The following ESS2 variants were observed in gnomAD, a reference collection of about 807,000 sequenced individuals.
ESS2 encodes ess-2 spliceosome associated protein, also known as splicing factor ESS-2 homolog.
Under a neutral mutation model 52.0 loss-of-function variants are expected in ESS2, and 31 were observed. The ratio of observed to expected loss-of-function variants is 0.60; its 90% CI spans 0.45 to 0.81. The LOEUF is 0.81. Among genes scored for constraint, ESS2 ranks in the 30% least tolerant of loss-of-function variants. The pLI, the probability that ESS2 is intolerant of heterozygous loss-of-function variation, is 0.00. For missense variants in ESS2, 602 were observed against 637.2 expected, an observed-to-expected ratio of 0.94 and a Z score of 0.59; for synonymous variants, 285 against 259.2, an observed-to-expected ratio of 1.10 and a Z score of -0.95.
At chr22:19,139,399 G>C (rs1485778857) in intron 5 of ESS2, 107 bp from the exon 6 acceptor site, 2 of 1,470,766 alleles carry the variant, frequency 1.4e-6, no homozygotes, top group African/African-American at 2.8e-5. Context: ...CAAAAGCATT[G>C]AGCAGAACGC....
In ESS2 at chr22:19,134,208, C is replaced by T. The variant is rs929282; in HGVS notation, c.1419G>A (p.Ser473=). 0.011 allele frequency: 16,807 copies of T among 1,513,948 alleles called. 654 individuals carry two copies. Among genetic ancestry groups the T allele is most frequent in the Admixed American group, 0.077 (3,553 of 46,234 alleles). 93.8% of individuals were successfully genotyped at this position (1,513,948 alleles called of 1,614,324 possible). Residue 473 remains serine, a synonymous_variant, in exon 10 of 10, where the codon TCG becomes TCA. Transcript: ENST00000252137. ...CCCAGGCCTGGCTCTAAAAGAAGTC[C>T]GAAGCTTTGCGCCGGGCAGGGAGCT... ...LLQLPARRKA[S]DFF
intron 8 of ESS2, 70 bp from the exon 9 acceptor site, chr22:19,135,245 A>G: frequency 1.5e-6 from 2 of 1,307,596 alleles, no homozygotes; most frequent in Non-Finnish European, 2.2e-6. Flanking sequence ...TCACACAGAA[A>G]GCCACTGTGG....
intron 1 of ESS2, 22 bp downstream of exon 1, chr22:19,144,484 G>A (rs199812933): frequency 3.6e-5 from 58 of 1,611,104 alleles, no homozygotes; most frequent in South Asian, 2.1e-4. Context: ...AGAAGTCGCC[G>A]GCGTCCGCAC....
chr22:19,132,324 C>G lies in ESS2; in HGVS notation c.*1872G>C. The G allele has an allele frequency of 6.2e-7, 1 of 1,612,898 alleles. No homozygotes were observed. Among genetic ancestry groups the G allele is most frequent in the East Asian group, 2.2e-5 (1 of 44,860 alleles). On this transcript the variant is annotated 3_prime_UTR_variant, in exon 10 of 10. Coordinates refer to ENST00000252137, the MANE Select transcript of ESS2 (RefSeq NM_022719.3). This position sits in a 1 kb window ranked among gnomAD's most constrained non-coding sequence, Gnocchi z 4.2. The stretch of plus-strand genomic sequence containing the variant: ...CACCAAGACAGGCTTGAGGCCCGAC[C>G]ACCGGCCCGACCACAAGCTTGGAGC...
intron 8 of ESS2, among the ~76,000 whole-genome samples, chr22:19,136,300 AATATTC>A (rs2083581228): frequency 6.8e-5 from 1 of 14,804 alleles, no homozygotes. Context: ...AATCAAACTA[AATATTC>A]GCCACTATTT....
chr22:19,139,579 C>T (rs371196170), intron 5 of ESS2, 33 bp downstream of exon 5: 33 of 1,585,634 alleles, frequency 2.1e-5, no homozygotes, highest in Non-Finnish European at 2.7e-5. Flanking sequence ...CTACCCAACA[C>T]CTCCCCATTT....
rs2083500199 is a variant in ESS2, at chr22:19,130,945, A to G, written c.*3251T>C. On this transcript the variant is annotated 3_prime_UTR_variant, in exon 10 of 10. Coordinates refer to ENST00000252137, the MANE Select transcript of ESS2 (RefSeq NM_022719.3). ...GGGGTGCTTTTCTTCATAGCCAAAGAAGCTGCAGGAAACCCACCCTAGTGG... is the reference window on the plus strand; with the variant it reads ...GGGGTGCTTTTCTTCATAGCCAAAGGAGCTGCAGGAAACCCACCCTAGTGG... The G allele has an allele frequency of 5.3e-6, 1 of 189,282 alleles. No individual in the cohort carries two copies. The highest frequency in any genetic ancestry group is 2.4e-5 in the African/African-American group (1 of 42,140). 11.7% of individuals were successfully genotyped at this position (189,282 alleles called of 1,614,324 possible).
chr22:19,144,366 T>C, intron 1 of ESS2, 140 bp downstream of exon 1: 2 of 1,506,750 alleles, frequency 1.3e-6, no homozygotes, highest in East Asian at 2.4e-5. Flanking sequence ...CCCTGTTTAC[T>C]TGACTCGTGG....
rs368030731 is a variant in ESS2, at chr22:19,131,181, C to G, written c.*3015G>C. The G allele has an allele frequency of 1.4e-4, 77 of 538,970 alleles. No individual in the cohort carries two copies. Among genetic ancestry groups the G allele is most frequent in the African/African-American group, 4.9e-4 (26 of 52,930 alleles). 33.4% of individuals were successfully genotyped at this position (538,970 alleles called of 1,614,324 possible). A position where few individuals can be genotyped will look rare whatever the true frequency, so the allele number is the denominator to read the frequency against. ...GCCTGGCTTCCACGGTTCCAGAGAC[C>G]CTGTTCTCCCTCAGCCCAGTCCCCG... On this transcript the variant is annotated 3_prime_UTR_variant, in exon 10 of 10. Coordinates refer to ENST00000252137, the MANE Select transcript of ESS2 (RefSeq NM_022719.3). The surrounding 1 kb of genome is among the most constrained non-coding windows in gnomAD (Gnocchi z 5.7).
chr22:19,140,635 C>T (rs2083670287), intron 3 of ESS2, among the ~76,000 whole-genome samples: 1 of 152,198 alleles, frequency 6.6e-6, no homozygotes, highest in East Asian at 1.9e-4. Flanking sequence ...GAAAGTGGTA[C>T]TCCCACTGAG....
intron 8 of ESS2, 116 bp downstream of exon 8, chr22:19,137,207 C>G: frequency 1.4e-6 from 1 of 738,998 alleles, no homozygotes; most frequent in Admixed American, 2.7e-5. Context: ...AAAGCCAGCA[C>G]TCTGCCCGTC....
Position 19,130,462 on chromosome 22 carries a change from A to T in ESS2, c.*3734T>A. On this transcript the variant is annotated 3_prime_UTR_variant, in exon 10 of 10. Coordinates refer to ENST00000252137, the MANE Select transcript of ESS2 (RefSeq NM_022719.3). ...CTAATTTTGTTCCAAGGAGAAGGTC[A>T]GAGGCAAAAAAAATGCTTGCTAAGT... 1 of 293,246 alleles carries T rather than the reference A, an allele frequency of 3.4e-6. No homozygotes were observed. Among genetic ancestry groups the T allele is most frequent in the Non-Finnish European group, 6.5e-6 (1 of 152,826 alleles). The allele number at this position is 293,246 out of a possible 1,614,324, so 18.2% of individuals were successfully genotyped here. A position where few individuals can be genotyped will look rare whatever the true frequency, so the allele number is the denominator to read the frequency against.
intron 8 of ESS2, 66 bp from the exon 9 acceptor site, chr22:19,135,241 A>G (rs2083562467): frequency 6.0e-6 from 8 of 1,343,606 alleles, no homozygotes; most frequent in Admixed American, 3.6e-5. Context: ...CCCCTCACAC[A>G]GAAAGCCACT....
In ESS2 at chr22:19,138,265, G is replaced by A. The variant is rs146974447; in HGVS notation, c.875C>T (p.Ser292Phe). 2 of 1,614,018 alleles carry A rather than the reference G, an allele frequency of 1.2e-6. No individual in the cohort carries two copies. Among genetic ancestry groups the A allele is most frequent in the Non-Finnish European group, 1.7e-6 (2 of 1,179,952 alleles). Reference protein sequence around the residue: ...PDGKELIPQESPRVGGFGFVA... With the variant: ...PDGKELIPQEFPRVGGFGFVA... Reference sequence around the variant, plus strand: ...AAATCCAAATCCACCCACTCGAGGGGACTCCTGGGGGATCAGCTCCTTGCC... The same window carrying A: ...AAATCCAAATCCACCCACTCGAGGGAACTCCTGGGGGATCAGCTCCTTGCC... The change falls in exon 7 of 10, where the codon TCC (serine) becomes TTC (phenylalanine). Residue 292 changes from serine to phenylalanine, a missense_variant. Coordinates refer to ENST00000252137, the MANE Select transcript of ESS2 (RefSeq NM_022719.3).
At chr22:19,140,885 T>C (rs1442066742) in intron 3 of ESS2, among the ~76,000 whole-genome samples, 1 of 152,264 alleles carries the variant, frequency 6.6e-6, no homozygotes, top group Non-Finnish European at 1.5e-5. Flanking sequence ...ACTGCCTTTC[T>C]GAGCCTCAGT....
chr22:19,139,517 C>A lies in ESS2; in HGVS notation c.688+95G>T, dbSNP rs564863946. 3.0e-6 allele frequency: 4 copies of A among 1,324,856 alleles called. No homozygotes were observed. The Admixed American group carries it at 6.7e-5, about 22-fold the overall frequency. 82.1% of individuals were successfully genotyped at this position (1,324,856 alleles called of 1,614,324 possible). ...CAGAAGCCCAAACTGCAAGGGGGCA[C>A]GGCCATACACACCTGGAAGGCTGCT... On this transcript the variant is annotated intron_variant, in intron 5 of 9. Coordinates refer to ENST00000252137, the MANE Select transcript of ESS2 (RefSeq NM_022719.3).
rs775330452 is a variant in ESS2, at chr22:19,140,019, C to T, written c.406G>A (p.Ala136Thr). 3.7e-6 allele frequency: 6 copies of T among 1,613,708 alleles called. No homozygotes were observed. In the East Asian group the frequency reaches 1.1e-4, roughly 30 times the overall value. Residue 136 changes from alanine (A) to threonine (T), a missense_variant, in exon 4 of 10, where the codon GCT (alanine) becomes ACT (threonine). Physicochemically the swap from Ala to Thr is moderately conservative, Grantham distance 58. Transcript: ENST00000252137. ...PRGRGLEDGEAGEEEEKEPLP... is the reference protein window; with the variant it reads ...PRGRGLEDGETGEEEEKEPLP... ...GGCTCCTTCTCCTCCTCCTCTCCAG[C>T]CTCTCCTGCTTAGGGGTTGCGGGAG...
rs1033214507 is a variant in ESS2 at position 19,132,392 on chromosome 22, C to A, written c.*1804G>T. The A allele has an allele frequency of 6.2e-7, 1 of 1,613,158 alleles. No individual in the cohort carries two copies. Among genetic ancestry groups the A allele is most frequent in the Non-Finnish European group, 8.5e-7 (1 of 1,179,990 alleles). ...TGCTGGTGGTGCCCGAGAACGAGAA[C>A]AGGATGGAGGACAGGCTGGCCGAGA... On this transcript the variant is annotated 3_prime_UTR_variant, in exon 10 of 10. Transcript: ENST00000252137. This position sits in a 1 kb window ranked among gnomAD's most constrained non-coding sequence, Gnocchi z 4.2.
At position 19,138,252 on chromosome 22, in the gene ESS2, AC is replaced by A. The variant is rs746821749; in HGVS notation, c.887del (p.Gly296ValfsTer15). 3.1e-6 allele frequency: 5 copies of A among 1,613,642 alleles called. No homozygotes were observed. In the South Asian group the frequency reaches 5.5e-5, roughly 18 times the overall value. On this transcript the variant is annotated frameshift_variant, in exon 7 of 10. Coordinates refer to ENST00000252137, the MANE Select transcript of ESS2 (RefSeq NM_022719.3). LOFTEE classifies it high-confidence loss of function. Reference protein sequence around the residue: ...ELIPQESPRVGGFGFVATPSP... With the variant: ...ELIPQESPRVXGFGFVATPSP... ...AAGGAGTGGCAACAAATCCAAATCC[AC>A]CCACTCGAGGGGACTCCTGGGGGAT...
Sources: allele counts gnomAD v4.1 joint callset (sites outside exome capture counted in the v4.1 genomes callset), GRCh38; gene constraint gnomAD v4.1.1; non-coding constraint Gnocchi (gnomAD v3.1); transcripts MANE v1.5; gene names NCBI Gene and HGNC (gene_info 2026-07-23, HGNC 2026-07-21).